The following FBN2 variants were observed in gnomAD, a reference collection of about 807,000 sequenced individuals.
FBN2 encodes the protein fibrillin 2.
A neutral mutation model predicts 355.6 loss-of-function variants in FBN2; 105 were observed. The observed-to-expected ratio is 0.30, with a 90% CI of 0.25 to 0.35. FBN2 has a LOEUF of 0.35. Among genes scored for constraint, FBN2 ranks in the 10% least tolerant of loss-of-function variants. The probability of loss-of-function intolerance (pLI) is 1.00; values close to 1 mark genes in which losing one functional copy is unlikely to be tolerated. For synonymous variants in FBN2, 1,350 were observed against 1,301.2 expected, an observed-to-expected ratio of 1.04 and a Z score of -0.81; for missense variants, 3,280 against 3,758.7, an observed-to-expected ratio of 0.87 and a Z score of 3.33.
intron 5 of FBN2, among the ~76,000 whole-genome samples, chr5:128,490,781 ATC>A (rs1387513616): frequency 6.6e-6 from 1 of 152,236 alleles, no homozygotes; most frequent in East Asian, 1.9e-4. Flanking sequence ...AAATAAATTC[ATC>A]TCTTTTTTGT....
intron 5 of FBN2, among the ~76,000 whole-genome samples, chr5:128,508,115 A>C (rs1756013468): frequency 6.6e-6 from 1 of 151,984 alleles, no homozygotes; most frequent in African/African-American, 2.4e-5. Context: ...CTATTAGCCA[A>C]TTATTTCTTT....
Position 128,377,863 on chromosome 5 carries a change from T to A in FBN2, c.1738A>T (p.Ile580Phe). ...KQACIDIDEC[I>F]QNGVLCKNGR... ...TTTTTACAAAGAACCCCATTCTGGA[T>A]GCACTCATCAATATCTAGGAAGATT... The change falls in exon 13 of 65, where the codon ATC (isoleucine) becomes TTC (phenylalanine). Residue 580 changes from isoleucine to phenylalanine, a missense_variant. Physicochemically the swap from Ile to Phe is conservative, Grantham distance 21. Around this residue, in one of 6 missense-constraint regions of FBN2, gnomAD observed 2,284 missense variants for 2,749.5 expected, o/e 0.83. Coordinates refer to ENST00000262464, the MANE Select transcript of FBN2 (RefSeq NM_001999.4). 1 of 1,613,452 alleles carries A rather than the reference T, an allele frequency of 6.2e-7. No individual in the cohort carries two copies. The highest frequency in any genetic ancestry group is 8.5e-7 in the Non-Finnish European group (1 of 1,179,486).
chr5:128,345,591 C>A lies in FBN2; in HGVS notation c.2990-7G>T. ...CACTGCTCCATGCGAATATCTACAC[C>A]GAGAACGAAATCACAGGGTGAGAAT... is the stretch of plus-strand genomic sequence containing the variant. On this transcript the variant is annotated splice_region_variant and splice_polypyrimidine_tract_variant and intron_variant, in intron 23 of 64. Transcript: ENST00000262464. 6.2e-7 allele frequency: 1 copy of A among 1,609,266 alleles called. No homozygotes were observed.
chr5:128,510,705 T>A (rs2127151653), intron 5 of FBN2, among the ~76,000 whole-genome samples: 1 of 152,344 alleles, frequency 6.6e-6, no homozygotes, highest in Middle Eastern at 3.4e-3. Context: ...TATATGTGTG[T>A]GTATTCCCTA....
At chr5:128,444,346 A>C (rs564049867) in intron 7 of FBN2, among the ~76,000 whole-genome samples, 143 of 152,306 alleles carry the variant, frequency 9.4e-4, no homozygotes, top group African/African-American at 3.3e-3. Flanking sequence ...TGCTGGGATT[A>C]CAGGCGTGAG....
intron 25 of FBN2, chr5:128,339,310 T>C (rs1310774418): frequency 1.1e-5 from 5 of 439,620 alleles, no homozygotes; most frequent in South Asian, 1.0e-4. Flanking sequence ...GTATTTGTTT[T>C]TGTGGCTTAG....
chr5:128,341,287 C>T (rs535899651), intron 25 of FBN2, among the ~76,000 whole-genome samples: 1 of 152,294 alleles, frequency 6.6e-6, no homozygotes, highest in African/African-American at 2.4e-5. Context: ...ATTGCCTATA[C>T]CAGTGGAAGT....
chr5:128,458,692 A>G (rs1754474650), intron 6 of FBN2, among the ~76,000 whole-genome samples: 1 of 152,178 alleles, frequency 6.6e-6, no homozygotes, highest in African/African-American at 2.4e-5. Flanking sequence ...CTGCTCCTGA[A>G]TGACTCCTGG....
chr5:128,283,041 A>G (rs1016942681), intron 55 of FBN2, among the ~76,000 whole-genome samples: 49 of 152,268 alleles, frequency 3.2e-4, no homozygotes, highest in African/African-American at 1.1e-3. Flanking sequence ...TCTCTCCCCT[A>G]TGAACCACTG....
chr5:128,431,757 A>G (rs887344776), intron 7 of FBN2, among the ~76,000 whole-genome samples: 1 of 152,206 alleles, frequency 6.6e-6, no homozygotes, highest in Non-Finnish European at 1.5e-5. Flanking sequence ...ACATGCGCTA[A>G]GATACTGTGA....
chr5:128,274,455 T>C (rs1249739092), intron 60 of FBN2, 112 bp downstream of exon 60: 1 of 733,812 alleles, frequency 1.4e-6, no homozygotes, highest in East Asian at 2.7e-5. Flanking sequence ...AATTATGGGG[T>C]ATTGGTTACT....
chr5:128,478,801 G>C (rs746202798), intron 5 of FBN2, among the ~76,000 whole-genome samples: 1 of 152,054 alleles, frequency 6.6e-6, no homozygotes, highest in Non-Finnish European at 1.5e-5. Context: ...GACAGAATTG[G>C]GTGAAACTAC....
intron 5 of FBN2, among the ~76,000 whole-genome samples, chr5:128,488,169 C>A (rs1381680395): frequency 2.0e-5 from 3 of 151,484 alleles, no homozygotes; most frequent in Non-Finnish European, 4.4e-5. Context: ...CTTGGGAGTT[C>A]ACGCTTCAAT....
At chr5:128,425,176 A>T (rs1753454377) in intron 7 of FBN2, among the ~76,000 whole-genome samples, 1 of 152,112 alleles carries the variant, frequency 6.6e-6, no homozygotes, top group East Asian at 1.9e-4. Flanking sequence ...AGATCAAGTT[A>T]TTTATGTTTT....
Position 128,376,818 on chromosome 5 carries a change from T to C in FBN2, c.1885A>G (p.Asn629Asp), listed in dbSNP as rs863223554. 8.1e-6 allele frequency: 13 copies of C among 1,613,494 alleles called. No homozygotes were observed. The highest frequency in any genetic ancestry group is 1.3e-5 in the African/African-American group (1 of 74,886). The change falls in exon 14 of 65, where the codon AAT becomes GAT. Residue 629 changes from asparagine to aspartate, a missense_variant. Around this residue, in one of 6 missense-constraint regions of FBN2, gnomAD observed 2,284 missense variants for 2,749.5 expected, o/e 0.83. Transcript: ENST00000262464. ...DECTTTNMCL[N>D]GMCINEDGSF... ...CCATCTTCATTGATGCACATTCCATTCAAACACATGTTGGTAGTTGTACAT... is the reference window on the plus strand; with the variant it reads ...CCATCTTCATTGATGCACATTCCATCCAAACACATGTTGGTAGTTGTACAT...
intron 34 of FBN2, among the ~76,000 whole-genome samples, chr5:128,322,051 G>A (rs1750389149): frequency 6.6e-6 from 1 of 152,180 alleles, no homozygotes; most frequent in Non-Finnish European, 1.5e-5. Flanking sequence ...CAGTGAGGAT[G>A]TGCTTTTTTT....
chr5:128,498,394 C>G (rs1429268988), intron 5 of FBN2, among the ~76,000 whole-genome samples: 1 of 152,234 alleles, frequency 6.6e-6, no homozygotes. Context: ...CCAACTCCTT[C>G]TCCATTATCT....
chr5:128,465,824 G>C (rs1405236731), intron 5 of FBN2, among the ~76,000 whole-genome samples: 1 of 152,186 alleles, frequency 6.6e-6, no homozygotes, highest in Non-Finnish European at 1.5e-5. Context: ...CGCCTCTCAA[G>C]GTTTCTATGG....
intron 62 of FBN2, among the ~76,000 whole-genome samples, chr5:128,266,837 ATATT>A (rs972274695): frequency 6.6e-6 from 1 of 150,752 alleles, no homozygotes; most frequent in Non-Finnish European, 1.5e-5. Context: ...TATTATTATT[ATATT>A]TATTTATTTA....
Sources: allele counts gnomAD v4.1 joint callset (sites outside exome capture counted in the v4.1 genomes callset), GRCh38; gene constraint gnomAD v4.1.1; regional missense constraint gnomAD v4.1.1; transcripts MANE v1.5; gene names NCBI Gene and HGNC (gene_info 2026-07-23, HGNC 2026-07-21).